The following KIAA1217 variants were observed in gnomAD, a reference collection of about 807,000 sequenced individuals.
KIAA1217 encodes the protein sickle tail protein homolog.
Under a neutral mutation model 163.9 loss-of-function variants are expected in KIAA1217, and 88 were observed. The ratio of observed to expected loss-of-function variants is 0.54; its 90% confidence interval spans 0.45 to 0.64. The LOEUF (loss-of-function observed/expected upper bound fraction) is 0.64, where lower values mean the gene tolerates loss of function less well. Ranked by LOEUF, KIAA1217 falls within the 30% of genes least tolerant of loss-of-function variation. The pLI, the probability that KIAA1217 is intolerant of heterozygous loss-of-function variation, is 0.00. For missense variants in KIAA1217, 2,372 were observed against 2,475.0 expected, an observed-to-expected ratio of 0.96 and a Z score of 0.88; for synonymous variants, 903 against 923.1, an observed-to-expected ratio of 0.98 and a Z score of 0.39.
At chr10:24,196,040 A>C (rs550885528) in intron 2 of KIAA1217, among the ~76,000 whole-genome samples, 1 of 152,168 alleles carries the variant, frequency 6.6e-6, no homozygotes, top group Admixed American at 6.5e-5. Flanking sequence ...AGGCTGAGGC[A>C]GGAGGACTGC....
intron 1 of KIAA1217, among the ~76,000 whole-genome samples, chr10:23,892,920 C>A (rs1040910819): frequency 1.3e-5 from 2 of 151,926 alleles, no homozygotes; most frequent in Non-Finnish European, 2.9e-5. Flanking sequence ...AACAACGTGG[C>A]ATTGACGTCT....
intron 1 of KIAA1217, among the ~76,000 whole-genome samples, chr10:23,957,684 T>C (rs931979748): frequency 1.3e-5 from 2 of 152,304 alleles, no homozygotes; most frequent in African/African-American, 4.8e-5. Flanking sequence ...ATCGGGCCAC[T>C]GCACTCCAGT....
intron 1 of KIAA1217, among the ~76,000 whole-genome samples, chr10:23,768,467 A>T (rs1834642177): frequency 6.6e-6 from 1 of 152,362 alleles, no homozygotes; most frequent in Non-Finnish European, 1.5e-5. Context: ...ATTGCCAGGT[A>T]CATATTAAAT....
At chr10:23,791,416 A>G (rs1392098012) in intron 1 of KIAA1217, among the ~76,000 whole-genome samples, 1 of 152,220 alleles carries the variant, frequency 6.6e-6, no homozygotes, top group Non-Finnish European at 1.5e-5. Context: ...AAAGAAAGCC[A>G]GACATTACAT....
intron 3 of KIAA1217, among the ~76,000 whole-genome samples, chr10:24,382,459 G>A (rs1022305585): frequency 5.3e-5 from 8 of 151,868 alleles, no homozygotes; most frequent in African/African-American, 1.9e-4. Context: ...GTTATTATTT[G>A]TATTATCAAT....
chr10:24,491,183 T>G (rs2066071432), intron 6 of KIAA1217, among the ~76,000 whole-genome samples: 1 of 147,326 alleles, frequency 6.8e-6, no homozygotes, highest in Non-Finnish European at 1.5e-5. Flanking sequence ...ACGTGGTCTG[T>G]GTTGTGACAT....
chr10:24,340,340 A>G (rs374561789), intron 2 of KIAA1217, among the ~76,000 whole-genome samples: 2 of 152,168 alleles, frequency 1.3e-5, no homozygotes, highest in African/African-American at 2.4e-5. Context: ...AGTAGTGAAT[A>G]GGTCTCACGA....
chr10:24,001,065 AG>A (rs1291128224), intron 1 of KIAA1217, among the ~76,000 whole-genome samples: 2 of 140,902 alleles, frequency 1.4e-5, no homozygotes, highest in African/African-American at 5.3e-5. Context: ...CAGACTGCAA[AG>A]TAAACACACA....
At chr10:24,431,039 C>T (rs2059567307) in intron 3 of KIAA1217, among the ~76,000 whole-genome samples, 1 of 152,190 alleles carries the variant, frequency 6.6e-6, no homozygotes, top group Admixed American at 6.5e-5. Flanking sequence ...CTGGCTCTGC[C>T]TGTTTTATGT....
intron 2 of KIAA1217, among the ~76,000 whole-genome samples, chr10:24,038,628 C>T (rs1390555572): frequency 1.3e-5 from 2 of 151,960 alleles, no homozygotes; most frequent in East Asian, 1.9e-4. Flanking sequence ...GGAGGGCAGC[C>T]GAGGAAAATT....
intron 1 of KIAA1217, among the ~76,000 whole-genome samples, chr10:23,870,584 G>C (rs892809434): frequency 6.6e-6 from 1 of 152,064 alleles, no homozygotes; most frequent in Non-Finnish European, 1.5e-5. Flanking sequence ...CTTATTTACT[G>C]TTTATTCTGT....
At chr10:24,072,658 C>A (rs541783347) in intron 2 of KIAA1217, among the ~76,000 whole-genome samples, 169 of 152,228 alleles carry the variant, frequency 1.1e-3, no homozygotes, top group Admixed American at 2.5e-3. Context: ...CATTCTTGGG[C>A]AGCCACCACC....
intron 2 of KIAA1217, among the ~76,000 whole-genome samples, chr10:24,364,372 G>A (rs540384029): frequency 6.6e-6 from 1 of 152,330 alleles, no homozygotes; most frequent in South Asian, 2.1e-4. Context: ...GCAGGTATAT[G>A]TGAGAGGCCT....
intron 5 of KIAA1217, among the ~76,000 whole-genome samples, chr10:24,440,481 T>C (rs1276949654): frequency 6.6e-6 from 1 of 152,202 alleles, no homozygotes. Flanking sequence ...GAGAATCTTG[T>C]TTGTGGCTGG....
intron 2 of KIAA1217, among the ~76,000 whole-genome samples, chr10:24,021,290 G>A (rs1847720300): frequency 6.6e-6 from 1 of 151,854 alleles, no homozygotes; most frequent in Non-Finnish European, 1.5e-5. Context: ...AAAGCCAATT[G>A]TTTTTCTGTA....
chr10:24,308,266 A>G (rs2042231413), intron 2 of KIAA1217, among the ~76,000 whole-genome samples: 1 of 152,202 alleles, frequency 6.6e-6, no homozygotes, highest in Non-Finnish European at 1.5e-5. Flanking sequence ...GAACCTGGAA[A>G]AGGAATGTGT....
intron 2 of KIAA1217, among the ~76,000 whole-genome samples, chr10:24,183,843 A>G (rs1455623422): frequency 6.6e-6 from 1 of 152,248 alleles, no homozygotes; most frequent in East Asian, 1.9e-4. Context: ...TATATGCTAT[A>G]TGACAGCCTT....
chr10:23,938,911 T>C (rs1295470332), intron 1 of KIAA1217, among the ~76,000 whole-genome samples: 2 of 152,090 alleles, frequency 1.3e-5, no homozygotes, highest in Non-Finnish European at 2.9e-5. Context: ...TGACCTGTAA[T>C]GAGAAAAAAT....
At chr10:23,700,029 A>T (rs904310087) in intron 1 of KIAA1217, among the ~76,000 whole-genome samples, 3 of 152,200 alleles carry the variant, frequency 2.0e-5, no homozygotes, top group Non-Finnish European at 4.4e-5. Flanking sequence ...TAGAACTGGA[A>T]TCTTAATCAT....
Sources: allele counts gnomAD v4.1 joint callset (sites outside exome capture counted in the v4.1 genomes callset), GRCh38; gene constraint gnomAD v4.1.1; transcripts MANE v1.5; gene names NCBI Gene and HGNC (gene_info 2026-07-23, HGNC 2026-07-21).